The following SPIDR variants were observed in gnomAD, a reference collection of about 807,000 sequenced individuals.
SPIDR encodes the protein DNA repair-scaffolding protein.
In SPIDR, 93 loss-of-function variants were observed where a neutral mutation model predicts 104.6. The observed-to-expected ratio is 0.89, with a 90% CI of 0.75 to 1.06. The LOEUF (loss-of-function observed/expected upper bound fraction) is 1.06, where lower values mean the gene tolerates loss of function less well. Among genes scored for constraint, SPIDR ranks in the 50% least tolerant of loss-of-function variants. The pLI, the probability that SPIDR is intolerant of heterozygous loss-of-function variation, is 0.00. For missense variants in SPIDR, 1,154 were observed against 1,111.2 expected, an observed-to-expected ratio of 1.04 and a Z score of -0.55; for synonymous variants, 431 against 416.9, an observed-to-expected ratio of 1.03 and a Z score of -0.41.
chr8:47,648,200 A>G (rs2070933226), intron 10 of SPIDR, among the ~76,000 whole-genome samples: 1 of 152,218 alleles, frequency 6.6e-6, no homozygotes, highest in Non-Finnish European at 1.5e-5. Context: ...AGTTAATTCA[A>G]CTTAGCACTC....
chr8:47,276,819 TCC>T (rs1433202132), intron 1 of SPIDR: 1 of 152,190 alleles, frequency 6.6e-6, no homozygotes, highest in Non-Finnish European at 1.5e-5. Flanking sequence ...GGGATTGGAA[TCC>T]TGATTGCTGT....
intron 8 of SPIDR, among the ~76,000 whole-genome samples, chr8:47,584,596 A>G (rs903651487): frequency 1.1e-4 from 17 of 152,238 alleles, no homozygotes; most frequent in African/African-American, 3.6e-4. Context: ...ACTGGGCAGA[A>G]CATACATAGT....
intron 10 of SPIDR, chr8:47,660,515 G>T (rs1390307272): frequency 1.5e-5 from 15 of 985,322 alleles, no homozygotes; most frequent in Non-Finnish European, 1.8e-5. Context: ...GCTGAAACAG[G>T]TGATTCTGCT....
intron 5 of SPIDR, among the ~76,000 whole-genome samples, chr8:47,311,192 G>A (rs1291617602): frequency 2.0e-5 from 3 of 152,140 alleles, no homozygotes; most frequent in African/African-American, 4.8e-5. Context: ...ACTGATTAGA[G>A]ATTACAGAAG....
At chr8:47,511,761 C>T (rs536901618) in intron 8 of SPIDR, 1 of 1,301,100 alleles carries the variant, frequency 7.7e-7, no homozygotes, top group Non-Finnish European at 1.1e-6. Context: ...CAGCTCCATG[C>T]TCTTTGGCAC....
intron 8 of SPIDR, among the ~76,000 whole-genome samples, chr8:47,452,674 A>G (rs1386224736): frequency 6.6e-6 from 1 of 152,216 alleles, no homozygotes; most frequent in Non-Finnish European, 1.5e-5. Flanking sequence ...CTTCATGCTA[A>G]AAACTCTCAA....
chr8:47,328,203 G>T (rs1240528469), intron 5 of SPIDR, among the ~76,000 whole-genome samples: 1 of 151,664 alleles, frequency 6.6e-6, no homozygotes, highest in Non-Finnish European at 1.5e-5. Context: ...TTCTATTTAG[G>T]CCATTGATGT....
chr8:47,677,761 A>G (rs1207959564), intron 11 of SPIDR, among the ~76,000 whole-genome samples: 1 of 152,224 alleles, frequency 6.6e-6, no homozygotes, highest in Non-Finnish European at 1.5e-5. Flanking sequence ...CTGATCTCAG[A>G]AGGTTTCATG....
chr8:47,656,712 A>G (rs1319948180), intron 10 of SPIDR, among the ~76,000 whole-genome samples: 1 of 152,222 alleles, frequency 6.6e-6, no homozygotes, highest in East Asian at 1.9e-4. Flanking sequence ...CTACAGAGTC[A>G]CTCCATGGCA....
chr8:47,451,885 CG>C (rs2071829550), intron 8 of SPIDR, among the ~76,000 whole-genome samples: 1 of 152,032 alleles, frequency 6.6e-6, no homozygotes, highest in African/African-American at 2.4e-5. Context: ...AGTGATCAAG[CG>C]CAGCAATTAG....
chr8:47,657,828 C>G (rs1309545358), intron 10 of SPIDR, among the ~76,000 whole-genome samples: 1 of 151,694 alleles, frequency 6.6e-6, no homozygotes, highest in Non-Finnish European at 1.5e-5. Flanking sequence ...CCATGAGTTC[C>G]AGACCAGCCT....
rs1192694225 is a variant in SPIDR, at chr8:47,426,875, A to C, written c.878-13448A>C. Among the ~76,000 whole-genome samples the C allele has an allele frequency of 2.6e-5, 4 of 152,324 alleles. No homozygotes were observed. In the East Asian group the frequency reaches 7.7e-4, roughly 29 times the overall value. On this transcript the variant is annotated intron_variant, in intron 7 of 19. Coordinates refer to ENST00000297423, the MANE Select transcript of SPIDR (RefSeq NM_001080394.4). ...TCACCTTTCAACACTGCTGTGTTGG[A>C]GATTAAGCTTCCAGCACATTAACTT...
chr8:47,506,374 G>A (rs1321872514), intron 8 of SPIDR, among the ~76,000 whole-genome samples: 1 of 152,114 alleles, frequency 6.6e-6, no homozygotes, highest in African/African-American at 2.4e-5. Flanking sequence ...ACTCTACCTA[G>A]AGGGCAGTCC....
At chr8:47,329,227 C>A (rs1033926003) in intron 5 of SPIDR, among the ~76,000 whole-genome samples, 2 of 152,082 alleles carry the variant, frequency 1.3e-5, no homozygotes, top group Non-Finnish European at 2.9e-5. Flanking sequence ...CCCGCCACCA[C>A]GCCCGGCTGA....
chr8:47,340,660 C>T (rs917671027), intron 5 of SPIDR, among the ~76,000 whole-genome samples: 1 of 152,120 alleles, frequency 6.6e-6, no homozygotes, highest in Non-Finnish European at 1.5e-5. Context: ...GTCTTTGTTG[C>T]GTAATTAGGT....
chr8:47,631,468 A>G (rs1205731773), intron 10 of SPIDR, among the ~76,000 whole-genome samples: 1 of 152,260 alleles, frequency 6.6e-6, no homozygotes, highest in African/African-American at 2.4e-5. Context: ...AATGAATTCT[A>G]AAACCACACA....
chr8:47,439,547 A>T (rs1347862061), intron 7 of SPIDR, among the ~76,000 whole-genome samples: 1 of 152,196 alleles, frequency 6.6e-6, no homozygotes, highest in African/African-American at 2.4e-5. Flanking sequence ...CTTATAAACA[A>T]CGCTGAGATG....
intron 8 of SPIDR, among the ~76,000 whole-genome samples, chr8:47,452,925 CCT>C (rs1324341402): frequency 2.0e-5 from 3 of 152,018 alleles, no homozygotes; most frequent in Non-Finnish European, 2.9e-5. Flanking sequence ...TCAAATTGTC[CCT>C]GTTTGTAGAT....
chr8:47,373,222 A>G (rs1407575365), intron 5 of SPIDR, among the ~76,000 whole-genome samples: 1 of 152,196 alleles, frequency 6.6e-6, no homozygotes, highest in African/African-American at 2.4e-5. Flanking sequence ...AAAAAATCAC[A>G]TTTGTTAAAA....
Sources: allele counts gnomAD v4.1 joint callset (sites outside exome capture counted in the v4.1 genomes callset), GRCh38; gene constraint gnomAD v4.1.1; transcripts MANE v1.5; gene names NCBI Gene and HGNC (gene_info 2026-07-23, HGNC 2026-07-21).